Variants in ZNF827 observed in about 807,000 individuals in gnomAD.
ZNF827 encodes zinc finger protein 827.
A neutral mutation model predicts 102.4 loss-of-function variants in ZNF827; 13 were observed. The observed-to-expected ratio is 0.13, with a 90% CI of 0.08 to 0.20. The LOEUF (loss-of-function observed/expected upper bound fraction) is 0.20. Ranked by LOEUF, ZNF827 falls within the 10% of genes least tolerant of loss-of-function variation. The pLI is 1.00. For synonymous variants in ZNF827, 523 were observed against 536.2 expected (o/e 0.98, Z 0.34); for missense variants, 1,103 against 1,344.4 (o/e 0.82, Z 2.81).
chr4:145,859,257 C>T (rs1368424201), intron 5 of ZNF827, among the ~76,000 whole-genome samples: 1 of 151,964 alleles, frequency 6.6e-6, no homozygotes, highest in African/African-American at 2.4e-5. Context: ...ATCCTTAGTG[C>T]CCAAACAGGG....
At position 145,918,332 on chromosome 4, in the gene ZNF827, C is replaced by CAAAAAAAAA. The variant is rs34428145; in HGVS notation, c.44-15126_44-15118dup. Among the ~76,000 whole-genome samples, 9 of 22,142 alleles carry CAAAAAAAAA rather than the reference C, an allele frequency of 4.1e-4. 3 individuals are homozygous for CAAAAAAAAA. The highest frequency in any genetic ancestry group is 2.1e-3 in the African/African-American group (9 of 4,370). 14.5% of individuals were successfully genotyped at this position (22,142 alleles called of 152,430 possible). ...CATAAAAACTATTCTTAGCTCAAGG[C>CAAAAAAAAA]AAAAAAAAAAAAAAAAAAAAAAAAA... On this transcript the variant is annotated intron_variant, in intron 1 of 14. Coordinates refer to ENST00000508784, the MANE Select transcript of ZNF827 (RefSeq NM_001306215.2).
Position 145,902,316 on chromosome 4 carries a change from G to A in ZNF827, c.943C>T (p.Leu315=). Residue 315 remains leucine (L), a synonymous_variant, in exon 2 of 15, where the codon CTA becomes TTA. Transcript: ENST00000508784. The surrounding 1 kb of genome is among the most constrained non-coding windows in gnomAD (Gnocchi z 4.3). ...EKSSLLPEDP[L]PPPPSEKKPE... ...TTCTTCTCTGAAGGCGGGGGCGGTA[G>A]AGGGTCCTCAGGCAGCAGCGATGAT... The A allele has an allele frequency of 6.2e-7, 1 of 1,601,188 alleles. No individual in the cohort carries two copies. The highest frequency in any genetic ancestry group is 8.5e-7 in the Non-Finnish European group (1 of 1,173,786).
chr4:145,854,067 CTGTAAGT>C (rs1746812358), intron 5 of ZNF827, among the ~76,000 whole-genome samples: 1 of 151,894 alleles, frequency 6.6e-6, no homozygotes, highest in Non-Finnish European at 1.5e-5. Context: ...ATCCTATGAA[CTGTAAGT>C]CTCTAAGGTT....
chr4:145,769,113 C>T (rs913353490), intron 11 of ZNF827, among the ~76,000 whole-genome samples: 11 of 151,568 alleles, frequency 7.3e-5, no homozygotes, highest in African/African-American at 2.7e-4. Context: ...CCTGTCAGAA[C>T]TGCACTTAGG....
chr4:145,935,070 C>T (rs1429101324), intron 1 of ZNF827, among the ~76,000 whole-genome samples: 1 of 152,124 alleles, frequency 6.6e-6, no homozygotes, highest in East Asian at 1.9e-4. Context: ...TCTCCTCCTC[C>T]GTTACACACT....
At chr4:145,815,760 T>A (rs1742541879) in intron 8 of ZNF827, among the ~76,000 whole-genome samples, 2 of 152,216 alleles carry the variant, frequency 1.3e-5, no homozygotes, top group East Asian at 3.8e-4. Flanking sequence ...GGTCACTGCA[T>A]TGCAATTTTC....
At chr4:145,934,239 A>T (rs1027302089) in intron 1 of ZNF827, among the ~76,000 whole-genome samples, 6 of 152,350 alleles carry the variant, frequency 3.9e-5, no homozygotes, top group African/African-American at 1.4e-4. Flanking sequence ...CACCTGCAGA[A>T]GTTAATACAG....
intron 8 of ZNF827, among the ~76,000 whole-genome samples, chr4:145,819,314 A>C (rs1742913853): frequency 6.6e-6 from 1 of 152,160 alleles, no homozygotes; most frequent in African/African-American, 2.4e-5. Context: ...TTTTTGGCTT[A>C]ATACAGAGCA....
intron 1 of ZNF827, among the ~76,000 whole-genome samples, chr4:145,931,987 C>A (rs1487446129): frequency 1.3e-5 from 2 of 152,100 alleles, no homozygotes; most frequent in Non-Finnish European, 2.9e-5. Context: ...GTGACTAGAT[C>A]GTGAGGGTAG....
intron 11 of ZNF827, among the ~76,000 whole-genome samples, chr4:145,766,153 C>T (rs926435564): frequency 6.6e-6 from 1 of 152,082 alleles, no homozygotes; most frequent in African/African-American, 2.4e-5. Flanking sequence ...TTAATCTGGC[C>T]TAGATCATAT....
intron 1 of ZNF827, among the ~76,000 whole-genome samples, chr4:145,934,491 C>A (rs191617881): frequency 1.3e-5 from 2 of 152,242 alleles, no homozygotes; most frequent in Admixed American, 1.3e-4. Context: ...CTGAACAGTC[C>A]CATGGGTGTC....
intron 8 of ZNF827, among the ~76,000 whole-genome samples, chr4:145,822,959 G>T (rs938390338): frequency 6.6e-6 from 1 of 152,188 alleles, no homozygotes; most frequent in Non-Finnish European, 1.5e-5. Context: ...AATCTGGGTG[G>T]CAAGGTTTCC....
chr4:145,791,980 C>T (rs992640286), intron 8 of ZNF827, among the ~76,000 whole-genome samples: 13 of 151,464 alleles, frequency 8.6e-5, no homozygotes, highest in African/African-American at 3.2e-4. Flanking sequence ...ACAATTCTAG[C>T]TGTGTCCATG....
At chr4:145,886,253 G>A (rs552684001) in intron 3 of ZNF827, 95 bp from the exon 4 acceptor site, 35 of 1,467,376 alleles carry the variant, frequency 2.4e-5, no homozygotes, top group African/African-American at 1.4e-4. Context: ...TTTCCTCACC[G>A]TGCAAAGGGC....
intron 3 of ZNF827, among the ~76,000 whole-genome samples, chr4:145,889,627 C>T (rs1750427015): frequency 6.7e-6 from 1 of 149,028 alleles, no homozygotes; most frequent in Non-Finnish European, 1.5e-5. Flanking sequence ...GATCTCGGCT[C>T]ACTGCAAGCT....
At chr4:145,860,228 C>T (rs1253991918) in intron 5 of ZNF827, among the ~76,000 whole-genome samples, 1 of 152,208 alleles carries the variant, frequency 6.6e-6, no homozygotes, top group East Asian at 1.9e-4. Context: ...ACCTCTTCTT[C>T]TCAGTAATCC....
intron 2 of ZNF827, 84 bp from the exon 3 acceptor site, chr4:145,892,499 T>C (rs1750680234): frequency 1.5e-6 from 2 of 1,327,538 alleles, no homozygotes; most frequent in Non-Finnish European, 1.0e-6. Context: ...CACTGCCATA[T>C]AAAAAGCACT....
intron 1 of ZNF827, among the ~76,000 whole-genome samples, chr4:145,929,948 C>A (rs994575515): frequency 1.3e-5 from 2 of 152,186 alleles, no homozygotes; most frequent in African/African-American, 2.4e-5. Context: ...CAAGGTCACA[C>A]AGCTAGTCAG....
At chr4:145,921,071 A>T (rs1251281512) in intron 1 of ZNF827, among the ~76,000 whole-genome samples, 1 of 152,226 alleles carries the variant, frequency 6.6e-6, no homozygotes, top group South Asian at 2.1e-4. Context: ...GGGACAATGC[A>T]GGAGGGGAAG....
Sources: allele counts gnomAD v4.1 joint callset (sites outside exome capture counted in the v4.1 genomes callset), GRCh38; gene constraint gnomAD v4.1.1; non-coding constraint Gnocchi (gnomAD v3.1); transcripts MANE v1.5; gene names NCBI Gene and HGNC (gene_info 2026-07-23, HGNC 2026-07-21).